The following SLC35F1 variants were observed in gnomAD, a reference collection of about 807,000 sequenced individuals.
SLC35F1 encodes solute carrier family 35 member F1, also known as chromosome 6 open reading frame 169.
SLC35F1 carries 14 observed loss-of-function variants against 48.7 expected under a neutral mutation model. The ratio of observed to expected loss-of-function variants is 0.29; its 90% confidence interval spans 0.19 to 0.45. The LOEUF is 0.45. Ranked by LOEUF, SLC35F1 falls within the 20% of genes least tolerant of loss-of-function variation. The probability of loss-of-function intolerance (pLI) is 1.00; values close to 1 mark genes in which losing one functional copy is unlikely to be tolerated. For synonymous variants in SLC35F1, 190 were observed against 202.2 expected, an observed-to-expected ratio of 0.94 and a Z score of 0.51; for missense variants, 404 against 500.0, an observed-to-expected ratio of 0.81 and a Z score of 1.83.
chr6:117,966,108 T>C (rs1038423876), intron 1 of SLC35F1, among the ~76,000 whole-genome samples: 12 of 114,340 alleles, frequency 1.0e-4, no homozygotes, highest in Admixed American at 9.8e-4. Flanking sequence ...TTGGGCCAAA[T>C]AAGGGAATAA....
At chr6:118,160,517 AT>A (rs1774214848) in intron 2 of SLC35F1, among the ~76,000 whole-genome samples, 1 of 152,188 alleles carries the variant, frequency 6.6e-6, no homozygotes, top group Admixed American at 6.5e-5. Context: ...AATCCCTTTG[AT>A]TTTTTTCAAA....
intron 1 of SLC35F1, among the ~76,000 whole-genome samples, chr6:118,096,740 G>A (rs1173512518): frequency 1.3e-5 from 2 of 152,156 alleles, no homozygotes; most frequent in African/African-American, 2.4e-5. Flanking sequence ...TTCATTCAAT[G>A]TGTAACTGTC....
chr6:118,093,185 A>T (rs548765318), intron 1 of SLC35F1, among the ~76,000 whole-genome samples: 1 of 152,032 alleles, frequency 6.6e-6, no homozygotes, highest in Non-Finnish European at 1.5e-5. Context: ...GTGTGGTGAC[A>T]TGCACCTGTA....
chr6:118,289,514 T>C (rs1776092026), intron 7 of SLC35F1, among the ~76,000 whole-genome samples: 1 of 152,206 alleles, frequency 6.6e-6, no homozygotes, highest in Middle Eastern at 3.2e-3. Flanking sequence ...CTCTTGTACA[T>C]TGGTACCATT....
intron 2 of SLC35F1, among the ~76,000 whole-genome samples, chr6:118,214,680 T>C (rs1288850921): frequency 1.3e-5 from 2 of 152,130 alleles, no homozygotes; most frequent in Non-Finnish European, 2.9e-5. Context: ...CATTGTCAGC[T>C]CTGGGTCCAG....
At chr6:118,247,220 A>C (rs929973754) in intron 3 of SLC35F1, among the ~76,000 whole-genome samples, 1 of 152,232 alleles carries the variant, frequency 6.6e-6, no homozygotes, top group Non-Finnish European at 1.5e-5. Flanking sequence ...AAGTGAAAGA[A>C]TTTGCTGGAG....
At chr6:118,144,138 G>A (rs539007040) in intron 1 of SLC35F1, among the ~76,000 whole-genome samples, 5 of 152,160 alleles carry the variant, frequency 3.3e-5, no homozygotes, top group South Asian at 2.1e-4. Context: ...ACATTCATGC[G>A]TATGTTCAGT....
chr6:118,012,733 A>G (rs1407020461), intron 1 of SLC35F1, among the ~76,000 whole-genome samples: 1 of 152,222 alleles, frequency 6.6e-6, no homozygotes, highest in Non-Finnish European at 1.5e-5. Flanking sequence ...ATCATCATTC[A>G]TTAATAACAT....
At chr6:118,102,500 A>G (rs1773272533) in intron 1 of SLC35F1, among the ~76,000 whole-genome samples, 3 of 152,114 alleles carry the variant, frequency 2.0e-5, no homozygotes. Flanking sequence ...TAAAGAAAAA[A>G]CTGGATGCAT....
chr6:118,251,628 C>CT (rs1183501378), intron 3 of SLC35F1, among the ~76,000 whole-genome samples: 1 of 152,070 alleles, frequency 6.6e-6, no homozygotes, highest in Non-Finnish European at 1.5e-5. Context: ...AGCAAGATCC[C>CT]TTGCATGATC....
intron 1 of SLC35F1, among the ~76,000 whole-genome samples, chr6:118,022,931 T>C (rs1322990726): frequency 6.6e-6 from 1 of 151,976 alleles, no homozygotes; most frequent in Non-Finnish European, 1.5e-5. Context: ...TTTTTTTTCT[T>C]GTATTTTTAG....
Position 118,180,198 on chromosome 6 carries a change from C to A in SLC35F1, c.349+25578C>A, listed in dbSNP as rs538237223. Among the ~76,000 whole-genome samples, 3 of 152,178 alleles carry A rather than the reference C, an allele frequency of 2.0e-5. No individual in the cohort carries two copies. The South Asian group carries it at 6.2e-4, about 32-fold the overall frequency. ...AAGCTAAAATTTAATTTTAAGTAGT[C>A]TCAGATTGGTAGTTTCCCTAGGTGT... On this transcript the variant is annotated intron_variant, in intron 2 of 7. Coordinates refer to ENST00000360388, the MANE Select transcript of SLC35F1 (RefSeq NM_001029858.4).
chr6:117,992,321 A>C (rs1030902205), intron 1 of SLC35F1, among the ~76,000 whole-genome samples: 4 of 152,154 alleles, frequency 2.6e-5, no homozygotes, highest in Non-Finnish European at 5.9e-5. Flanking sequence ...TGGTGTAAAA[A>C]AATCAACCAA....
chr6:118,132,649 T>C (rs1773731888), intron 1 of SLC35F1, among the ~76,000 whole-genome samples: 1 of 152,250 alleles, frequency 6.6e-6, no homozygotes, highest in Admixed American at 6.5e-5. Flanking sequence ...TTTCTCTCAG[T>C]AAAGAATGAT....
At chr6:118,237,723 C>T (rs558747390) in intron 3 of SLC35F1, among the ~76,000 whole-genome samples, 3 of 152,134 alleles carry the variant, frequency 2.0e-5, no homozygotes, top group Non-Finnish European at 4.4e-5. Context: ...GTTATAATGT[C>T]CTTCATATTC....
At chr6:117,974,353 A>G (rs1303489598) in intron 1 of SLC35F1, among the ~76,000 whole-genome samples, 1 of 152,204 alleles carries the variant, frequency 6.6e-6, no homozygotes, top group African/African-American at 2.4e-5. Flanking sequence ...CATGATAGAT[A>G]CTCAGTAAAT....
chr6:118,225,862 C>T (rs183982003), intron 2 of SLC35F1, among the ~76,000 whole-genome samples: 1,299 of 102,888 alleles, frequency 0.013, 22 homozygotes, highest in African/African-American at 0.049. Flanking sequence ...GCTGACAGAG[C>T]GAGACTTTGT....
At chr6:118,108,222 T>C (rs1192784743) in intron 1 of SLC35F1, among the ~76,000 whole-genome samples, 1 of 152,180 alleles carries the variant, frequency 6.6e-6, no homozygotes, top group African/African-American at 2.4e-5. Flanking sequence ...GTCCAGTAAC[T>C]CTCTGGAACT....
intron 2 of SLC35F1, among the ~76,000 whole-genome samples, chr6:118,212,834 A>G (rs1263289914): frequency 6.6e-6 from 1 of 152,136 alleles, no homozygotes; most frequent in East Asian, 1.9e-4. Flanking sequence ...CAGCACTATT[A>G]TAAACTATTT....
Sources: allele counts gnomAD v4.1 joint callset (sites outside exome capture counted in the v4.1 genomes callset), GRCh38; gene constraint gnomAD v4.1.1; transcripts MANE v1.5; gene names NCBI Gene and HGNC (gene_info 2026-07-23, HGNC 2026-07-21).